Variants in SLC44A5 observed in about 807,000 individuals in gnomAD.
SLC44A5 encodes the protein solute carrier family 44 member 5, also known as choline transporter-like protein 5.
A neutral mutation model predicts 101.8 loss-of-function variants in SLC44A5; 57 were observed. The observed-to-expected ratio is 0.56, with a 90% CI of 0.45 to 0.70. The LOEUF (loss-of-function observed/expected upper bound fraction) is 0.70. SLC44A5 is among the 30% of genes least tolerant of loss of function. The pLI is 0.00. For synonymous variants in SLC44A5, 281 were observed against 290.9 expected (o/e 0.97, Z 0.35); for missense variants, 737 against 853.1 (o/e 0.86, Z 1.70).
Position 75,594,082 on chromosome 1 carries a change from T to G in SLC44A5, c.-70+16958A>C, listed in dbSNP as rs1570698702. ...GTGCTTATTTCACATTGCATGCCTA[T>G]AATAAGACATCTCACATACCCCATA... On this transcript the variant is annotated intron_variant, in intron 1 of 23. Transcript: ENST00000370859. 2.0e-5 allele frequency among the ~76,000 whole-genome samples: 3 copies of G among 152,016 alleles called. No individual in the cohort carries two copies. In the East Asian group the frequency reaches 5.8e-4, roughly 29 times the overall value.
chr1:75,482,302 G>C (rs1570415702), intron 2 of SLC44A5, among the ~76,000 whole-genome samples: 1 of 152,112 alleles, frequency 6.6e-6, no homozygotes, highest in East Asian at 1.9e-4. Flanking sequence ...GATAGCATTA[G>C]GAGATATACC....
the SLC44A5 span, among the ~76,000 whole-genome samples, chr1:75,679,067 G>T: frequency 1.3e-5 from 2 of 152,046 alleles, no homozygotes; most frequent in African/African-American, 2.4e-5. Flanking sequence ...AGAGAAAAAA[G>T]AATAAAAAGA....
chr1:75,666,626 G>A, the SLC44A5 span, among the ~76,000 whole-genome samples: 1 of 152,216 alleles, frequency 6.6e-6, no homozygotes, highest in East Asian at 1.9e-4. Context: ...ACTGGGCAGA[G>A]ACACAACAAA....
At chr1:75,323,354 G>T (rs1293879319) in intron 4 of SLC44A5, among the ~76,000 whole-genome samples, 1 of 151,290 alleles carries the variant, frequency 6.6e-6, no homozygotes, top group Non-Finnish European at 1.5e-5. Context: ...TTGGACATTT[G>T]GGTTGGTTCC....
chr1:75,395,312 CA>C (rs994949697), intron 3 of SLC44A5, among the ~76,000 whole-genome samples: 54 of 152,118 alleles, frequency 3.5e-4, no homozygotes, highest in African/African-American at 1.3e-3. Context: ...TCTGATGGCA[CA>C]AAAAAGACTT....
At chr1:75,329,727 A>G (rs1000113310) in intron 4 of SLC44A5, among the ~76,000 whole-genome samples, 2 of 152,134 alleles carry the variant, frequency 1.3e-5, no homozygotes, top group Admixed American at 6.5e-5. Context: ...GATATTTTAC[A>G]CATATGCCGA....
intron 2 of SLC44A5, among the ~76,000 whole-genome samples, chr1:75,446,998 A>G (rs533455872): frequency 3.9e-5 from 6 of 152,142 alleles, no homozygotes; most frequent in Non-Finnish European, 8.8e-5. Flanking sequence ...TTTGATCATG[A>G]ACTTCCATTT....
chr1:75,430,723 G>A (rs529472057), intron 2 of SLC44A5, among the ~76,000 whole-genome samples: 2 of 152,310 alleles, frequency 1.3e-5, no homozygotes, highest in Non-Finnish European at 2.9e-5. Flanking sequence ...GGAGCTCCTT[G>A]GGTCTGCCTT....
intron 3 of SLC44A5, among the ~76,000 whole-genome samples, chr1:75,363,957 G>C (rs1659680460): frequency 2.0e-5 from 3 of 152,250 alleles, no homozygotes; most frequent in Middle Eastern, 3.4e-3. Context: ...TTACTTGGCA[G>C]TTATTTCCCC....
intron 2 of SLC44A5, among the ~76,000 whole-genome samples, chr1:75,483,945 C>A (rs528980802): frequency 5.3e-5 from 8 of 152,084 alleles, no homozygotes; most frequent in Non-Finnish European, 1.0e-4. Context: ...ACCATCAGCT[C>A]TCATGAGAAC....
At chr1:75,451,245 T>C (rs1665891822) in intron 2 of SLC44A5, among the ~76,000 whole-genome samples, 1 of 152,174 alleles carries the variant, frequency 6.6e-6, no homozygotes, top group South Asian at 2.1e-4. Flanking sequence ...TTCCATGAAT[T>C]GGCCCATTAT....
Position 75,378,196 on chromosome 1 carries a change from A to C in SLC44A5, c.52+18387T>G, listed in dbSNP as rs1199895484. ...TGCGCTCGGAAGAAGCTAGGGTGAT[A>C]ATAGGGCAAACTAAAAGTAAAATTA... On this transcript the variant is annotated intron_variant, in intron 3 of 23. Coordinates refer to ENST00000370859, the MANE Select transcript of SLC44A5 (RefSeq NM_001130058.2). Among the ~76,000 whole-genome samples, 23 of 81,030 alleles carry C rather than the reference A, an allele frequency of 2.8e-4. 9 individuals are homozygous for C. Among genetic ancestry groups the C allele is most frequent in the Non-Finnish European group, 4.6e-4 (22 of 47,426 alleles). 53.2% of individuals were successfully genotyped at this position (81,030 alleles called of 152,430 possible). A position where few individuals can be genotyped will look rare whatever the true frequency, so the allele number is the denominator to read the frequency against.
intron 2 of SLC44A5, among the ~76,000 whole-genome samples, chr1:75,476,959 T>TCCCTGAC (rs1217112330): frequency 9.2e-5 from 14 of 152,250 alleles, no homozygotes; most frequent in African/African-American, 1.2e-4. Context: ...CTCAAGTGGG[T>TCCCTGAC]CCCTGACCCC....
intron 2 of SLC44A5, among the ~76,000 whole-genome samples, chr1:75,398,812 G>A (rs1050552189): frequency 3.9e-5 from 6 of 152,020 alleles, no homozygotes; most frequent in South Asian, 4.1e-4. Context: ...GAGAACATTC[G>A]TATCTTATGT....
intron 2 of SLC44A5, among the ~76,000 whole-genome samples, chr1:75,467,505 T>C (rs1020628796): frequency 1.3e-5 from 2 of 151,790 alleles, no homozygotes; most frequent in Non-Finnish European, 2.9e-5. Flanking sequence ...TGGAACAGAA[T>C]AGAGAACACA....
the SLC44A5 span, among the ~76,000 whole-genome samples, chr1:75,657,406 A>G: frequency 1.3e-5 from 2 of 151,604 alleles, no homozygotes; most frequent in Admixed American, 6.6e-5. Context: ...AAAATTAGCC[A>G]GGTATAGTGG....
chr1:75,229,034 T>C lies in SLC44A5; in HGVS notation c.854-1177A>G, dbSNP rs535036983. ...TCTTTGCTCACTATGTTTTCTTTTT[T>C]TTATTTTTTATTTTTGTATTACATC... On this transcript the variant is annotated intron_variant, in intron 12 of 23. Transcript: ENST00000370859. Among the ~76,000 whole-genome samples, 8 of 152,078 alleles carry C rather than the reference T, an allele frequency of 5.3e-5. No homozygotes were observed. The East Asian group carries it at 1.6e-3, about 30-fold the overall frequency.
At chr1:75,585,788 G>A (rs940218055) in intron 1 of SLC44A5, among the ~76,000 whole-genome samples, 11 of 151,858 alleles carry the variant, frequency 7.2e-5, no homozygotes, top group African/African-American at 2.7e-4. Context: ...TAAAGCATTG[G>A]TTCTCAAACT....
intron 1 of SLC44A5, among the ~76,000 whole-genome samples, chr1:75,545,317 T>C (rs1222160417): frequency 6.6e-6 from 1 of 152,218 alleles, no homozygotes; most frequent in African/African-American, 2.4e-5. Flanking sequence ...ACAATAAACA[T>C]ACGTGTTCAT....
Sources: allele counts gnomAD v4.1 joint callset (sites outside exome capture counted in the v4.1 genomes callset), GRCh38; gene constraint gnomAD v4.1.1; transcripts MANE v1.5; gene names NCBI Gene and HGNC (gene_info 2026-07-23, HGNC 2026-07-21).